Variants in DOCK3 observed in about 807,000 individuals in gnomAD.
DOCK3 encodes the protein dedicator of cytokinesis 3.
DOCK3 carries 60 observed loss-of-function variants against 265.6 expected under a neutral mutation model. The observed-to-expected ratio is 0.23, with a 90% CI of 0.18 to 0.28. The LOEUF (loss-of-function observed/expected upper bound fraction) is 0.28. Among genes scored for constraint, DOCK3 ranks in the 10% least tolerant of loss-of-function variants. DOCK3 has a pLI of 1.00. For missense variants in DOCK3, 1,981 were observed against 2,594.3 expected, an observed-to-expected ratio of 0.76 and a Z score of 5.14; for synonymous variants, 881 against 938.0, an observed-to-expected ratio of 0.94 and a Z score of 1.11.
chr3:51,338,232 C>A (rs1473790267), intron 35 of DOCK3, 127 bp from the exon 36 acceptor site: 1 of 958,410 alleles, frequency 1.0e-6, no homozygotes, highest in Non-Finnish European at 1.6e-6. Context: ...TCTATGGAAG[C>A]AGTTCCTGTT....
At chr3:51,109,100 C>T (rs2083408926) in intron 9 of DOCK3, among the ~76,000 whole-genome samples, 1 of 151,474 alleles carries the variant, frequency 6.6e-6, no homozygotes, top group East Asian at 1.9e-4. Context: ...ATGGCACATA[C>T]CCTAAAATTA....
At chr3:50,759,978 G>C (rs1256896489) in intron 1 of DOCK3, among the ~76,000 whole-genome samples, 1 of 150,632 alleles carries the variant, frequency 6.6e-6, no homozygotes. Context: ...GATTGTTGTT[G>C]ATGTAGCCTT....
intron 5 of DOCK3, among the ~76,000 whole-genome samples, chr3:51,053,076 A>AAGAG (rs553525037): frequency 2.9e-5 from 1 of 34,550 alleles, no homozygotes; most frequent in Non-Finnish European, 5.5e-5. Flanking sequence ...AAAAAAGTCA[A>AAGAG]AGATATATAT....
intron 4 of DOCK3, chr3:50,901,710 C>A (rs1255658181): frequency 2.2e-6 from 1 of 453,816 alleles, no homozygotes; most frequent in Non-Finnish European, 4.4e-6. Flanking sequence ...CATGGCTACC[C>A]TTGGCTAGGG....
intron 32 of DOCK3, among the ~76,000 whole-genome samples, chr3:51,324,369 G>A (rs1453223992): frequency 2.0e-5 from 3 of 152,206 alleles, no homozygotes; most frequent in African/African-American, 7.2e-5. Flanking sequence ...TATAAGGGAT[G>A]TGAAGGACCC....
chr3:50,835,784 G>T (rs1247294042), intron 2 of DOCK3, among the ~76,000 whole-genome samples: 1 of 152,150 alleles, frequency 6.6e-6, no homozygotes, highest in Non-Finnish European at 1.5e-5. Context: ...TATGGAACAA[G>T]ACAGTGCAAT....
chr3:50,694,625 A>G (rs137893443), intron 1 of DOCK3, among the ~76,000 whole-genome samples: 19 of 152,280 alleles, frequency 1.2e-4, no homozygotes, highest in Middle Eastern at 3.4e-3. Flanking sequence ...CCTTGCCTGC[A>G]TGGTGAAACT....
chr3:51,004,895 G>C (rs1238512915), intron 5 of DOCK3, among the ~76,000 whole-genome samples: 1 of 146,166 alleles, frequency 6.8e-6, no homozygotes, highest in Non-Finnish European at 1.5e-5. Flanking sequence ...CATCTTTAAC[G>C]TTTCATATTT....
chr3:51,089,426 T>C, intron 8 of DOCK3, 142 bp downstream of exon 8: 1 of 1,029,552 alleles, frequency 9.7e-7, no homozygotes, highest in East Asian at 2.6e-5. Context: ...CTTTGACCTC[T>C]AAACAGTTTT....
At chr3:50,879,172 A>T (rs1466175271) in intron 3 of DOCK3, among the ~76,000 whole-genome samples, 2 of 152,216 alleles carry the variant, frequency 1.3e-5, no homozygotes, top group Admixed American at 1.3e-4. Flanking sequence ...CACTGCAAAA[A>T]CATGCCAAAT....
At chr3:50,745,569 C>G (rs1167485369) in intron 1 of DOCK3, among the ~76,000 whole-genome samples, 1 of 152,186 alleles carries the variant, frequency 6.6e-6, no homozygotes, top group Non-Finnish European at 1.5e-5. Context: ...AAACCAGGAA[C>G]ATGTCCATGC....
At chr3:51,372,525 C>T in intron 49 of DOCK3, among the ~76,000 whole-genome samples, 1 of 152,220 alleles carries the variant, frequency 6.6e-6, no homozygotes, top group South Asian at 2.1e-4. Flanking sequence ...TCCTAACCCC[C>T]TCACACGGAT....
chr3:50,962,748 C>T (rs1030646637), intron 5 of DOCK3, among the ~76,000 whole-genome samples: 1 of 152,168 alleles, frequency 6.6e-6, no homozygotes, highest in Non-Finnish European at 1.5e-5. Context: ...CTTATACATG[C>T]TTTCATCTCT....
At chr3:50,911,829 G>A (rs939422971) in intron 4 of DOCK3, among the ~76,000 whole-genome samples, 1 of 151,866 alleles carries the variant, frequency 6.6e-6, no homozygotes, top group African/African-American at 2.4e-5. Flanking sequence ...CTTTATTTGT[G>A]CCCTCTTCAG....
In DOCK3 at chr3:51,016,942, T is replaced by TTTA. The variant is rs2079364562; in HGVS notation, c.316-47505_316-47504insTAT. 3.4e-5 allele frequency among the ~76,000 whole-genome samples: 2 copies of TTTA among 58,606 alleles called. 1 individual carries two copies. Among genetic ancestry groups the TTTA allele is most frequent in the African/African-American group, 1.7e-4 (2 of 11,956 alleles). The allele number at this position is 58,606 out of a possible 152,430, so 38.4% of individuals were successfully genotyped here. On this transcript the variant is annotated intron_variant, in intron 5 of 52. Coordinates refer to ENST00000266037, the MANE Select transcript of DOCK3 (RefSeq NM_004947.5). ...AATATATTAATATATACAATATATGTTATATATAATATATATATTATATAT... is the reference window on the plus strand; with the variant it reads ...AATATATTAATATATACAATATATGTTTATATATATAATATATATATTATATAT...
At chr3:51,193,858 T>A (rs1397563799) in intron 12 of DOCK3, among the ~76,000 whole-genome samples, 1 of 151,316 alleles carries the variant, frequency 6.6e-6, no homozygotes, top group Admixed American at 6.6e-5. Flanking sequence ...TTTGTTTATC[T>A]TTTTGAAGAA....
rs149326511 is a variant in DOCK3 at position 50,858,111 on chromosome 3, G to T, written c.162+16396G>T. ...TACTATGCAGCCATAAAAAAGGATG[G>T]GTTCATGTCCTTTGCAGAGACATGG... On this transcript the variant is annotated intron_variant, in intron 3 of 52. Coordinates refer to ENST00000266037, the MANE Select transcript of DOCK3 (RefSeq NM_004947.5). 1.5e-4 allele frequency among the ~76,000 whole-genome samples: 23 copies of T among 152,192 alleles called. No individual in the cohort carries two copies. The East Asian group carries it at 4.2e-3, about 28-fold the overall frequency.
At chr3:51,215,967 G>A (rs2089761451) in intron 14 of DOCK3, among the ~76,000 whole-genome samples, 1 of 150,888 alleles carries the variant, frequency 6.6e-6, no homozygotes, top group African/African-American at 2.4e-5. Context: ...AGCATAGTCA[G>A]GCTTCTTGAC....
At chr3:51,330,284 A>G (rs1422495512) in intron 33 of DOCK3, 61 bp downstream of exon 33, 2 of 1,510,080 alleles carry the variant, frequency 1.3e-6, no homozygotes, top group African/African-American at 1.4e-5. Context: ...GGCCAATGAA[A>G]AGTAGAGGTT....
Sources: allele counts gnomAD v4.1 joint callset (sites outside exome capture counted in the v4.1 genomes callset), GRCh38; gene constraint gnomAD v4.1.1; transcripts MANE v1.5; gene names NCBI Gene and HGNC (gene_info 2026-07-23, HGNC 2026-07-21).